PLCH1: variants seen among roughly 807,000 people sequenced by gnomAD.
PLCH1 encodes the protein 1-phosphatidylinositol 4,5-bisphosphate phosphodiesterase eta-1.
A neutral mutation model predicts 126.7 loss-of-function variants in PLCH1; 60 were observed. That is an observed-to-expected ratio of 0.47 (90% CI 0.38 to 0.59). PLCH1 has a LOEUF of 0.59. Ranked by LOEUF, PLCH1 falls within the 20% of genes least tolerant of loss-of-function variation. The pLI, the probability that PLCH1 is intolerant of heterozygous loss-of-function variation, is 0.00. For synonymous variants in PLCH1, 719 were observed against 734.9 expected, an observed-to-expected ratio of 0.98 and a Z score of 0.35; for missense variants, 1,723 against 2,040.0, an observed-to-expected ratio of 0.84 and a Z score of 2.99.
chr3:155,462,779 C>G (rs1712777122), intron 21 of PLCH1, among the ~76,000 whole-genome samples: 1 of 152,170 alleles, frequency 6.6e-6, no homozygotes, highest in African/African-American at 2.4e-5. Context: ...CTGCCACTGT[C>G]ACTGACACCA....
At chr3:155,553,706 C>G (rs1025077174) in intron 9 of PLCH1, among the ~76,000 whole-genome samples, 3 of 152,120 alleles carry the variant, frequency 2.0e-5, no homozygotes, top group Non-Finnish European at 4.4e-5. Flanking sequence ...CCAGACACCT[C>G]AGTGTATAGA....
intron 1 of PLCH1, among the ~76,000 whole-genome samples, chr3:155,738,297 G>A (rs1473689122): frequency 6.6e-6 from 1 of 152,170 alleles, no homozygotes; most frequent in African/African-American, 2.4e-5. Flanking sequence ...TACTAGGGAA[G>A]AAAGAAGACC....
intron 6 of PLCH1, among the ~76,000 whole-genome samples, chr3:155,570,313 T>G (rs1729028320): frequency 6.6e-6 from 1 of 152,190 alleles, no homozygotes; most frequent in Non-Finnish European, 1.5e-5. Context: ...TTTACTGTCC[T>G]TCTTCACCCT....
At chr3:155,460,916 T>C (rs1184245374) in intron 21 of PLCH1, among the ~76,000 whole-genome samples, 1 of 152,182 alleles carries the variant, frequency 6.6e-6, no homozygotes, top group African/African-American at 2.4e-5. Flanking sequence ...GTGCTAGATA[T>C]AATTTTTCTT....
intron 15 of PLCH1, among the ~76,000 whole-genome samples, chr3:155,495,336 A>G (rs752443896): frequency 5.3e-5 from 8 of 152,140 alleles, no homozygotes; most frequent in Admixed American, 5.2e-4. Flanking sequence ...CAAACATTTA[A>G]TATTCCACTC....
chr3:155,695,078 GCAAA>G (rs1745698043), intron 2 of PLCH1, among the ~76,000 whole-genome samples: 1 of 150,994 alleles, frequency 6.6e-6, no homozygotes, highest in South Asian at 2.1e-4. Flanking sequence ...TTAATAGTAT[GCAAA>G]CAACTGCAAT....
Position 155,467,676 on chromosome 3 carries a change from C to T in PLCH1, c.2938+17680G>A, listed in dbSNP as rs542781509. 3.3e-5 allele frequency among the ~76,000 whole-genome samples: 5 copies of T among 152,030 alleles called. No individual in the cohort carries two copies. In the South Asian group the frequency reaches 1.0e-3, roughly 32 times the overall value. On this transcript the variant is annotated intron_variant, in intron 21 of 21. Transcript: ENST00000494598. ...ACTTTTCAGTGGAAACCTCACAGTC[C>T]AGGAGAGAGAGGCATGACATATTTA...
chr3:155,499,598 TA>T (rs1269234435), intron 14 of PLCH1, among the ~76,000 whole-genome samples: 1 of 152,224 alleles, frequency 6.6e-6, no homozygotes, highest in Non-Finnish European at 1.5e-5. Flanking sequence ...GGAAAATCTA[TA>T]GTTGACACTA....
chr3:155,717,696 C>A (rs1424548173), intron 1 of PLCH1, among the ~76,000 whole-genome samples: 1 of 152,216 alleles, frequency 6.6e-6, no homozygotes, highest in Non-Finnish European at 1.5e-5. Context: ...GGGCCCTGGA[C>A]CTGGCCCACA....
chr3:155,480,657 C>A lies in PLCH1; in HGVS notation c.*311G>T. 1 of 250,334 alleles carries A rather than the reference C, an allele frequency of 4.0e-6. No homozygotes were observed. The allele number at this position is 250,334 out of a possible 1,614,324, so 15.5% of individuals were successfully genotyped here. On this transcript the variant is annotated 3_prime_UTR_variant, in exon 23 of 23. Coordinates refer to ENST00000460012, the MANE Select transcript of PLCH1 (RefSeq NM_014996.4). ...TGCAATCTGAGGACACAGTAAAGGA[C>A]ATCTTGGTGAAACACACACACATTA... is the stretch of plus-strand genomic sequence containing the variant.
intron 2 of PLCH1, among the ~76,000 whole-genome samples, chr3:155,604,140 G>T (rs1335290655): frequency 1.3e-5 from 2 of 151,902 alleles, no homozygotes; most frequent in African/African-American, 4.8e-5. Flanking sequence ...GCCATTATCT[G>T]TGAAGAGCAG....
chr3:155,528,397 T>G (rs568944015), intron 10 of PLCH1, among the ~76,000 whole-genome samples: 21 of 152,170 alleles, frequency 1.4e-4, no homozygotes, highest in African/African-American at 5.1e-4. Flanking sequence ...ATTTGTAGAG[T>G]AGTTATAATA....
At chr3:155,547,184 A>T (rs1417113097) in intron 10 of PLCH1, among the ~76,000 whole-genome samples, 4 of 147,628 alleles carry the variant, frequency 2.7e-5, no homozygotes, top group African/African-American at 7.5e-5. Flanking sequence ...AACTCAAACA[A>T]ATTTACAAGA....
chr3:155,707,663 C>A (rs1424696669), intron 1 of PLCH1, among the ~76,000 whole-genome samples: 23 of 142,282 alleles, frequency 1.6e-4, no homozygotes, highest in African/African-American at 4.9e-4. Flanking sequence ...AACTCCATCT[C>A]AAAAAAAAAA....
intron 6 of PLCH1, among the ~76,000 whole-genome samples, chr3:155,569,568 A>G (rs1224130094): frequency 6.6e-6 from 1 of 152,176 alleles, no homozygotes; most frequent in African/African-American, 2.4e-5. Context: ...TTATAAATAA[A>G]TGAAACTGCA....
intron 9 of PLCH1, among the ~76,000 whole-genome samples, chr3:155,551,684 CAAAAAAAAA>C (rs35872401): frequency 1.1e-4 from 10 of 87,000 alleles, no homozygotes; most frequent in African/African-American, 3.1e-4. Flanking sequence ...AGCTCTCTAC[CAAAAAAAAA>C]AAAAAAAAAA....
chr3:155,741,682 C>CTTTTTTTTTTTTTTTTT (rs1491132149), intron 1 of PLCH1, among the ~76,000 whole-genome samples: 2 of 83,088 alleles, frequency 2.4e-5, no homozygotes, highest in African/African-American at 1.0e-4. Context: ...ATTTTATATC[C>CTTTTTTTTTTTTTTTTT]TCTTTTTTTT....
chr3:155,589,118 T>C (rs1035537956), intron 4 of PLCH1, among the ~76,000 whole-genome samples: 1 of 152,108 alleles, frequency 6.6e-6, no homozygotes, highest in Non-Finnish European at 1.5e-5. Flanking sequence ...GAAGTAATGA[T>C]CTAGGATTTT....
In PLCH1 at chr3:155,564,949, T is replaced by G; in HGVS notation, c.1035A>C (p.Ala345=). 6.2e-7 allele frequency: 1 copy of G among 1,613,960 alleles called. No individual in the cohort carries two copies. The highest frequency in any genetic ancestry group is 8.5e-7 in the Non-Finnish European group (1 of 1,179,892). Residue 345 remains alanine, a synonymous_variant, in exon 8 of 23, where the codon GCA becomes GCC. Transcript: ENST00000460012. ...AGCGACAGCCCTCTTGCAGCACCCG[T>G]GCATACATATCCACTTTGGACTGAG... ...LLSQSKVDMY[A]RVLQEGCRCV... is the part of the protein sequence containing the mutation.
Sources: gnomAD v4.1 joint callset for allele counts (sites outside exome capture counted in the v4.1 genomes callset) on GRCh38, gnomAD v4.1.1 for gene constraint, MANE v1.5 for transcripts, NCBI Gene and HGNC (gene_info 2026-07-23, HGNC 2026-07-21) for gene names.